The following MFAP5 variants were observed in gnomAD, a reference collection of about 807,000 sequenced individuals.
MFAP5 encodes the protein microfibrillar-associated protein 5.
Under a neutral mutation model 30.1 loss-of-function variants are expected in MFAP5, and 19 were observed. The ratio of observed to expected loss-of-function variants is 0.63; its 90% CI spans 0.44 to 0.93. MFAP5 has a LOEUF of 0.93. Ranked by LOEUF, MFAP5 falls within the 40% of genes least tolerant of loss-of-function variation. MFAP5 has a pLI of 0.00. For missense variants in MFAP5, 210 were observed against 221.3 expected, an observed-to-expected ratio of 0.95 and a Z score of 0.32; for synonymous variants, 92 against 72.9, an observed-to-expected ratio of 1.26 and a Z score of -1.33.
chr12:8,662,170 A>T, intron 1 of MFAP5, 64 bp from the exon 2 acceptor site: 1 of 1,412,128 alleles, frequency 7.1e-7, no homozygotes. Context: ...TTTCAGTGCC[A>T]GGGAAAGATG....
At chr12:8,661,298 A>C (rs1246416206) in intron 2 of MFAP5, among the ~76,000 whole-genome samples, 2 of 152,106 alleles carry the variant, frequency 1.3e-5, no homozygotes, top group Non-Finnish European at 2.9e-5. Flanking sequence ...TATTTTTCTC[A>C]ATCTGTATCG....
At chr12:8,661,248 G>A (rs780275362) in intron 2 of MFAP5, among the ~76,000 whole-genome samples, 6 of 152,172 alleles carry the variant, frequency 3.9e-5, no homozygotes, top group Admixed American at 3.9e-4. Flanking sequence ...TAGCCCCACG[G>A]CTTCCCCGCT....
rs753208007 is a variant in MFAP5 at position 8,648,794 on chromosome 12, C to T, written c.410-591G>A. On this transcript the variant is annotated intron_variant, in intron 9 of 9. Coordinates refer to ENST00000359478, the MANE Select transcript of MFAP5 (RefSeq NM_003480.4). ...TCTTACTCAGGAACTCAGCACAAAG[C>T]GGGCTGCTGAGTCAGAAATGGCTTT... 4.6e-5 allele frequency among the ~76,000 whole-genome samples: 7 copies of T among 152,276 alleles called. No individual in the cohort carries two copies. In the East Asian group the frequency reaches 9.7e-4, roughly 21 times the overall value.
At chr12:8,653,888 G>A (rs780954041) in intron 6 of MFAP5, among the ~76,000 whole-genome samples, 15 of 152,240 alleles carry the variant, frequency 9.9e-5, no homozygotes, top group African/African-American at 3.4e-4. Context: ...ACTTTGGGAG[G>A]CCGAGGCAGG....
chr12:8,659,296 G>A (rs1268143683), intron 3 of MFAP5, among the ~76,000 whole-genome samples: 4 of 148,402 alleles, frequency 2.7e-5, no homozygotes, highest in East Asian at 2.0e-4. Flanking sequence ...TAACAAGAGC[G>A]AAACTCTGTC....
intron 3 of MFAP5, 40 bp from the exon 4 acceptor site, chr12:8,655,870 T>G (rs1163120503): frequency 6.4e-7 from 1 of 1,565,866 alleles, no homozygotes; most frequent in Non-Finnish European, 8.8e-7. Context: ...AGATTCTCTG[T>G]CTCCCTGCCA....
rs1369010197 is a variant in MFAP5 at position 8,655,438 on chromosome 12, T to G, written c.149A>C (p.Asn50Thr). Residue 50 changes from asparagine to threonine, a missense_variant, in exon 5 of 10, where the codon AAT becomes ACT. By Grantham distance (65) the Asn-to-Thr change is moderately conservative. Coordinates refer to ENST00000359478, the MANE Select transcript of MFAP5 (RefSeq NM_003480.4). ...ETFTEDPNLV[N>T]DPATDETVLA... The stretch of plus-strand genomic sequence containing the variant: ...ACCTGTTTCATCTGTAGCGGGATCA[T>G]TCACCAGATCTGCAAAGACACATAA... 2 of 1,606,996 alleles carry G rather than the reference T, an allele frequency of 1.2e-6. No homozygotes were observed. The highest frequency in any genetic ancestry group is 4.5e-5 in the East Asian group (2 of 44,832).
At chr12:8,654,311 T>C in intron 6 of MFAP5, 126 bp downstream of exon 6, 1 of 859,904 alleles carries the variant, frequency 1.2e-6, no homozygotes, top group South Asian at 1.8e-5. Context: ...CTACTGGAAA[T>C]ATGTGCTCCA....
intron 6 of MFAP5, among the ~76,000 whole-genome samples, chr12:8,653,219 A>T (rs1352744184): frequency 6.6e-6 from 1 of 151,816 alleles, no homozygotes; most frequent in African/African-American, 2.4e-5. Context: ...AAAAAAGAAA[A>T]AGAAAACTGG....
intron 3 of MFAP5, 90 bp downstream of exon 3, chr12:8,660,773 A>C: frequency 9.9e-7 from 1 of 1,011,470 alleles, no homozygotes; most frequent in South Asian, 1.7e-5. Context: ...TTTGGCAGCG[A>C]TAGATAAGCA....
chr12:8,655,714 T>C, intron 4 of MFAP5, 72 bp downstream of exon 4: 1 of 1,530,610 alleles, frequency 6.5e-7, no homozygotes, highest in Non-Finnish European at 8.9e-7. Flanking sequence ...TTATTTTTCT[T>C]TATGTAGACA....
chr12:8,649,131 T>C (rs1027003722), intron 9 of MFAP5, among the ~76,000 whole-genome samples: 4 of 152,236 alleles, frequency 2.6e-5, no homozygotes, highest in African/African-American at 7.2e-5. Context: ...TTTTTAGTTA[T>C]GAACATGGCT....
rs10505737 is a variant in MFAP5, at chr12:8,651,976, C to A, written c.218-285G>T. Among the ~76,000 whole-genome samples, 8,415 of 152,084 alleles carry A rather than the reference C, an allele frequency of 0.055. 255 individuals are homozygous for A. Among genetic ancestry groups the A allele is most frequent in the Middle Eastern group, 0.1 (30 of 294 alleles). On this transcript the variant is annotated intron_variant, in intron 6 of 9. Transcript: ENST00000359478. The stretch of plus-strand genomic sequence containing the variant: ...GTATCTCTGTATTGTTGACAAGAAG[C>A]AAATTTAGTAGGAACACAAGGCAAA...
chr12:8,660,772 G>A (rs1258836720), intron 3 of MFAP5, 91 bp downstream of exon 3: 42 of 958,026 alleles, frequency 4.4e-5, no homozygotes, highest in Middle Eastern at 4.7e-4. Flanking sequence ...TTTTGGCAGC[G>A]ATAGATAAGC....
intron 2 of MFAP5, 134 bp downstream of exon 2, chr12:8,661,913 A>G: frequency 2.3e-6 from 2 of 880,176 alleles, no homozygotes; most frequent in Non-Finnish European, 3.7e-6. Flanking sequence ...CTGTTCTTCT[A>G]ATAGGAATTC....
intron 7 of MFAP5, 29 bp from the exon 8 acceptor site, chr12:8,650,618 GAGGTCCAA>G: frequency 6.3e-7 from 1 of 1,588,112 alleles, no homozygotes; most frequent in Non-Finnish European, 8.6e-7. Context: ...AAAAAATAAG[GAGGTCCAA>G]ATAGAAGCAG....
At chr12:8,651,718 G>C (rs763237974) in intron 6 of MFAP5, 27 bp from the exon 7 acceptor site, 4 of 1,608,092 alleles carry the variant, frequency 2.5e-6, no homozygotes, top group South Asian at 1.1e-5. Context: ...TTATTCCACT[G>C]TTACCAATTC....
At chr12:8,661,319 G>A (rs1327751638) in intron 2 of MFAP5, among the ~76,000 whole-genome samples, 1 of 151,880 alleles carries the variant, frequency 6.6e-6, no homozygotes, top group African/African-American at 2.4e-5. Flanking sequence ...GAAGAAGGAG[G>A]GAAAAAAATA....
At chr12:8,649,683 C>T in intron 8 of MFAP5, 109 bp from the exon 9 acceptor site, 1 of 775,876 alleles carries the variant, frequency 1.3e-6, no homozygotes, top group Non-Finnish European at 2.2e-6. Context: ...CCCCACTTTC[C>T]CTATCTGCTT....
Sources: allele counts gnomAD v4.1 joint callset (sites outside exome capture counted in the v4.1 genomes callset), GRCh38; gene constraint gnomAD v4.1.1; transcripts MANE v1.5; gene names NCBI Gene and HGNC (gene_info 2026-07-23, HGNC 2026-07-21).